ZFAND3: variants seen among roughly 807,000 people sequenced by gnomAD.
The protein encoded by ZFAND3 is zinc finger AN1-type containing 3.
A neutral mutation model predicts 29.6 loss-of-function variants in ZFAND3; 10 were observed. The observed-to-expected ratio is 0.34, with a 90% CI of 0.21 to 0.57. ZFAND3 has a LOEUF of 0.57. Ranked by LOEUF, ZFAND3 falls within the 20% of genes least tolerant of loss-of-function variation. The pLI, the probability that ZFAND3 is intolerant of heterozygous loss-of-function variation, is 0.86. For missense variants in ZFAND3, 230 were observed against 304.5 expected, an observed-to-expected ratio of 0.76 and a Z score of 1.82; for synonymous variants, 128 against 112.6, an observed-to-expected ratio of 1.14 and a Z score of -0.87.
intron 1 of ZFAND3, among the ~76,000 whole-genome samples, chr6:37,862,791 C>A (rs941382683): frequency 6.6e-6 from 1 of 151,808 alleles, no homozygotes; most frequent in African/African-American, 2.4e-5. Flanking sequence ...AACATCTCCA[C>A]GTATTCATGT....
intron 1 of ZFAND3, among the ~76,000 whole-genome samples, chr6:37,863,469 T>G (rs192683389): frequency 6.6e-4 from 101 of 152,330 alleles, no homozygotes; most frequent in Admixed American, 6.2e-3. Context: ...ACAGAAGTGC[T>G]ACATCACTTG....
At chr6:37,877,281 T>C (rs1350342377) in intron 1 of ZFAND3, among the ~76,000 whole-genome samples, 1 of 152,234 alleles carries the variant, frequency 6.6e-6, no homozygotes, top group Non-Finnish European at 1.5e-5. Context: ...TCATTTCTTA[T>C]CCTGTACATA....
In ZFAND3 at chr6:37,883,724, T is replaced by C. The variant is rs1262617405; in HGVS notation, c.72-46235T>C. Among the ~76,000 whole-genome samples the C allele has an allele frequency of 4.8e-5, 7 of 144,916 alleles. 1 individual carries two copies. Among genetic ancestry groups the C allele is most frequent in the African/African-American group, 2.0e-4 (7 of 35,842 alleles). On this transcript the variant is annotated intron_variant, in intron 1 of 5. Transcript: ENST00000287218. ...GCCTGGCTAATTTTTGTATTTTTAG[T>C]AGAGACAAGGTTTCACCATCTTGGT...
intron 2 of ZFAND3, among the ~76,000 whole-genome samples, chr6:38,035,236 A>G (rs2127453383): frequency 6.6e-6 from 1 of 152,322 alleles, no homozygotes; most frequent in South Asian, 2.1e-4. Flanking sequence ...TTAAGAAAAT[A>G]TCTTCACATG....
chr6:38,096,148 G>A (rs1040041042), intron 4 of ZFAND3, among the ~76,000 whole-genome samples: 2 of 151,788 alleles, frequency 1.3e-5, no homozygotes, highest in Non-Finnish European at 2.9e-5. Flanking sequence ...TTCACTTTTA[G>A]AACTCATTAG....
At chr6:38,116,522 T>C in intron 4 of ZFAND3, 50 bp from the exon 5 acceptor site, 1 of 1,562,348 alleles carries the variant, frequency 6.4e-7, no homozygotes, top group African/African-American at 1.4e-5. Context: ...TCAACTGTGC[T>C]TGCCAGGCCA....
intron 3 of ZFAND3, among the ~76,000 whole-genome samples, chr6:38,065,672 G>A (rs1265955279): frequency 2.0e-5 from 3 of 152,190 alleles, no homozygotes; most frequent in Non-Finnish European, 4.4e-5. Context: ...TAGAGCTATT[G>A]CAAGGCAGTG....
chr6:38,142,367 G>C (rs888450134), intron 5 of ZFAND3: 3 of 471,080 alleles, frequency 6.4e-6, no homozygotes, highest in Non-Finnish European at 1.3e-5. Context: ...CTGCAAAGGT[G>C]CCTTCAGGGA....
chr6:38,101,772 CAAAAAAAAAAAA>C (rs57491627), intron 4 of ZFAND3, among the ~76,000 whole-genome samples: 3 of 42,720 alleles, frequency 7.0e-5, no homozygotes, highest in East Asian at 9.3e-4. Context: ...GACTCCCTCT[CAAAAAAAAAAAA>C]AAAAAAAAAA....
chr6:37,824,573 A>T (rs1240735997), intron 1 of ZFAND3, among the ~76,000 whole-genome samples: 4 of 152,236 alleles, frequency 2.6e-5, no homozygotes, highest in Non-Finnish European at 5.9e-5. Context: ...GTGATGACAT[A>T]TGGAAACCTT....
intron 1 of ZFAND3, among the ~76,000 whole-genome samples, chr6:37,910,546 G>GT (rs1765501180): frequency 6.6e-6 from 1 of 152,132 alleles, no homozygotes; most frequent in Admixed American, 6.6e-5. Context: ...TGTATACATT[G>GT]TAATGGCTAA....
chr6:37,920,971 C>CA (rs1420510472), intron 1 of ZFAND3, among the ~76,000 whole-genome samples: 1 of 152,154 alleles, frequency 6.6e-6, no homozygotes, highest in African/African-American at 2.4e-5. Context: ...AGGCGGGAAG[C>CA]AGATTGTTAG....
intron 2 of ZFAND3, among the ~76,000 whole-genome samples, chr6:38,015,940 A>G (rs1472182468): frequency 1.3e-5 from 2 of 152,222 alleles, no homozygotes; most frequent in Non-Finnish European, 2.9e-5. Flanking sequence ...TAGTGGGTGC[A>G]GTTGTTGTGT....
chr6:38,041,095 G>A (rs1285453808), intron 2 of ZFAND3, among the ~76,000 whole-genome samples: 1 of 152,058 alleles, frequency 6.6e-6, no homozygotes, highest in African/African-American at 2.4e-5. Flanking sequence ...AGGGGTATGG[G>A]CCAGTTATTT....
chr6:37,939,568 C>A (rs993113289), intron 2 of ZFAND3, among the ~76,000 whole-genome samples: 2 of 152,102 alleles, frequency 1.3e-5, no homozygotes, highest in Non-Finnish European at 2.9e-5. Context: ...ATCATTCAGT[C>A]CACTACGGGA....
In ZFAND3 at chr6:38,064,361, A is replaced by G. The variant is rs114679277; in HGVS notation, c.295+2586A>G. 2.9e-3 allele frequency among the ~76,000 whole-genome samples: 446 copies of G among 152,364 alleles called. 3 individuals carry two copies. Among genetic ancestry groups the G allele is most frequent in the Non-Finnish European group, 4.6e-3 (312 of 68,036 alleles). On this transcript the variant is annotated intron_variant, in intron 3 of 5. Coordinates refer to ENST00000287218, the MANE Select transcript of ZFAND3 (RefSeq NM_021943.3). The stretch of plus-strand genomic sequence containing the variant: ...TATTTTCTCATTGTTTTTCGTGATA[A>G]CCCAATGAGGTAGATAGTGTCATTA...
intron 2 of ZFAND3, among the ~76,000 whole-genome samples, chr6:38,060,523 C>G (rs1395988400): frequency 6.7e-6 from 1 of 149,940 alleles, no homozygotes; most frequent in Non-Finnish European, 1.5e-5. Flanking sequence ...CCTGCCCTTT[C>G]CCCTTCCCTT....
intron 2 of ZFAND3, among the ~76,000 whole-genome samples, chr6:38,052,774 G>A (rs749582958): frequency 2.0e-5 from 3 of 152,006 alleles, no homozygotes; most frequent in Non-Finnish European, 4.4e-5. Context: ...GGTGGCTCAC[G>A]CCTGTAATCC....
At chr6:37,998,274 A>G (rs1286277441) in intron 2 of ZFAND3, among the ~76,000 whole-genome samples, 1 of 152,222 alleles carries the variant, frequency 6.6e-6, no homozygotes, top group Non-Finnish European at 1.5e-5. Flanking sequence ...TACAGAGATC[A>G]GTGGTTGCCA....
Sources: gnomAD v4.1 joint callset for allele counts (sites outside exome capture counted in the v4.1 genomes callset) on GRCh38, gnomAD v4.1.1 for gene constraint, MANE v1.5 for transcripts, NCBI Gene and HGNC (gene_info 2026-07-23, HGNC 2026-07-21) for gene names.